PHC2: variants seen among roughly 807,000 people sequenced by gnomAD.
PHC2 encodes the protein polyhomeotic homolog 2, also known as polyhomeotic-like protein 2.
PHC2 carries 29 observed loss-of-function variants against 87.4 expected under a neutral mutation model. The observed-to-expected ratio is 0.33, with a 90% CI of 0.25 to 0.45. The LOEUF (loss-of-function observed/expected upper bound fraction) is 0.45, where lower values mean the gene tolerates loss of function less well. Among genes scored for constraint, PHC2 ranks in the 20% least tolerant of loss-of-function variants. The probability of loss-of-function intolerance (pLI) is 1.00; values close to 1 mark genes in which losing one functional copy is unlikely to be tolerated. For missense variants in PHC2, 857 were observed against 1,136.7 expected (o/e 0.75, Z 3.54); for synonymous variants, 438 against 461.7 (o/e 0.95, Z 0.66).
Position 33,368,401 on chromosome 1 carries a change from G to C in PHC2, c.663+135C>G. ...TGGAACAGGGTAGACGCGCAGGCCT[G>C]GGGGCATTGGGGTGTCCTGTCTCCC... On this transcript the variant is annotated intron_variant, in intron 6 of 14. Transcript: ENST00000683057. This position sits in a 1 kb window ranked among gnomAD's most constrained non-coding sequence, Gnocchi z 6.6. 1.6e-6 allele frequency: 1 copy of C among 609,026 alleles called. No homozygotes were observed. The highest frequency in any genetic ancestry group is 2.9e-6 in the Non-Finnish European group (1 of 344,576). The allele number at this position is 609,026 out of a possible 1,614,324, so 37.7% of individuals were successfully genotyped here.
At chr1:33,414,215 A>G (rs1216459425) in intron 1 of PHC2, among the ~76,000 whole-genome samples, 2 of 151,460 alleles carry the variant, frequency 1.3e-5, no homozygotes, top group African/African-American at 4.9e-5. Flanking sequence ...ACACACACAC[A>G]CACAAGAAAG....
In PHC2 at chr1:33,349,544, G is replaced by T; in HGVS notation, c.1558+4857C>A. On this transcript the variant is annotated intron_variant, in intron 9 of 14. Coordinates refer to ENST00000683057, the MANE Select transcript of PHC2 (RefSeq NM_001385109.1). This position sits in a 1 kb window ranked among gnomAD's most constrained non-coding sequence, Gnocchi z 4.2. ...GTGCCCGACTTCCAGTGCGGCGAGC[G>T]CGGCCCCCGGCCTCCCTACTGGCGA... is the stretch of plus-strand genomic sequence containing the variant. The T allele has an allele frequency of 1.0e-6, 1 of 981,450 alleles. No individual in the cohort carries two copies. The highest frequency in any genetic ancestry group is 1.2e-6 in the Non-Finnish European group (1 of 826,776). The allele number at this position is 981,450 out of a possible 1,614,324, so 60.8% of individuals were successfully genotyped here. A position where few individuals can be genotyped will look rare whatever the true frequency, so the allele number is the denominator to read the frequency against.
chr1:33,338,546 G>A (rs560610229), intron 9 of PHC2, among the ~76,000 whole-genome samples: 48 of 152,284 alleles, frequency 3.2e-4, no homozygotes, highest in Non-Finnish European at 5.0e-4. Flanking sequence ...ACACAATCTC[G>A]CCCCCTGCCA....
At chr1:33,348,390 T>C (rs547679398) in intron 9 of PHC2, among the ~76,000 whole-genome samples, 1 of 152,196 alleles carries the variant, frequency 6.6e-6, no homozygotes, top group South Asian at 2.1e-4. Context: ...GTTCCAACAT[T>C]TGGGTTGACT....
At chr1:33,336,361 C>T (rs1253473795) in intron 9 of PHC2, among the ~76,000 whole-genome samples, 1 of 152,144 alleles carries the variant, frequency 6.6e-6, no homozygotes, top group Non-Finnish European at 1.5e-5. Context: ...CAAGAGTTGA[C>T]TATGACTCAT....
At chr1:33,338,814 G>A (rs958236795) in intron 9 of PHC2, among the ~76,000 whole-genome samples, 1 of 152,216 alleles carries the variant, frequency 6.6e-6, no homozygotes, top group Non-Finnish European at 1.5e-5. Context: ...GAAACCGAAA[G>A]GTGGAGGCAG....
At position 33,368,789 on chromosome 1, in the gene PHC2, C is replaced by T. The variant is rs536537437; in HGVS notation, c.577-167G>A. Among the ~76,000 whole-genome samples the T allele has an allele frequency of 3.4e-4, 52 of 152,264 alleles. 1 individual carries two copies. The Middle Eastern group carries it at 0.01, about 30-fold the overall frequency. ...GGAGCGGCTATGAGGAAGGGCAGGA[C>T]AGTAGAAGCAGAAAGGAAGGGGGAG... is the stretch of plus-strand genomic sequence containing the variant. On this transcript the variant is annotated intron_variant, in intron 5 of 14. Transcript: ENST00000683057. The surrounding 1 kb of genome is among the most constrained non-coding windows in gnomAD (Gnocchi z 6.6).
intron 14 of PHC2, chr1:33,326,007 G>T: frequency 2.6e-6 from 1 of 391,736 alleles, no homozygotes; most frequent in South Asian, 1.8e-5. Context: ...GAAGAAACAG[G>T]GTCTCTGTTA....
rs545396766 is a variant in PHC2, at chr1:33,430,464, C to G, written c.-55+512G>C. On this transcript the variant is annotated intron_variant, in intron 1 of 14. Transcript: ENST00000683057. ...GCGCTGTCACGCCGCGGCTGGGGAGCGGGCGCCCCGGTCAGGCCCGACGCC... is the reference window on the plus strand; with the variant it reads ...GCGCTGTCACGCCGCGGCTGGGGAGGGGGCGCCCCGGTCAGGCCCGACGCC... 1.1e-4 allele frequency among the ~76,000 whole-genome samples: 16 copies of G among 152,144 alleles called. No homozygotes were observed. In the South Asian group the frequency reaches 3.1e-3, roughly 30 times the overall value.
At chr1:33,372,541 A>C in intron 2 of PHC2, 94 bp from the exon 3 acceptor site, 1 of 1,146,794 alleles carries the variant, frequency 8.7e-7, no homozygotes, top group Admixed American at 3.3e-5. Flanking sequence ...GGTCTCTATA[A>C]CTGCTCGGGA....
At chr1:33,357,334 G>C (rs1647109684) in intron 7 of PHC2, among the ~76,000 whole-genome samples, 1 of 152,188 alleles carries the variant, frequency 6.6e-6, no homozygotes, top group African/African-American at 2.4e-5. Context: ...CTTCCTTCTT[G>C]AATTTTGTCT....
intron 12 of PHC2, among the ~76,000 whole-genome samples, chr1:33,330,535 G>A (rs1419274668): frequency 3.3e-5 from 5 of 152,208 alleles, no homozygotes; most frequent in Admixed American, 6.5e-5. Context: ...CACTATAAAT[G>A]TTACCCTGTG....
chr1:33,355,544 C>T (rs1229873859), intron 7 of PHC2, among the ~76,000 whole-genome samples: 1 of 152,204 alleles, frequency 6.6e-6, no homozygotes, highest in Non-Finnish European at 1.5e-5. Context: ...TCTGTGATGC[C>T]CTTTGGCCAT....
intron 1 of PHC2, among the ~76,000 whole-genome samples, chr1:33,415,050 C>T (rs184324411): frequency 1.3e-4 from 20 of 152,258 alleles, no homozygotes; most frequent in East Asian, 5.8e-4. Flanking sequence ...GTGAGCCCTA[C>T]GAGTGTACCA....
intron 9 of PHC2, among the ~76,000 whole-genome samples, chr1:33,351,868 C>T (rs1570473646): frequency 6.8e-6 from 1 of 147,628 alleles, no homozygotes; most frequent in East Asian, 2.1e-4. Context: ...AGGAGAGTCA[C>T]TTGAACCCGG....
At chr1:33,370,779 G>C (rs1325051311) in intron 4 of PHC2, among the ~76,000 whole-genome samples, 194 bp from the exon 5 acceptor site, 2 of 152,184 alleles carry the variant, frequency 1.3e-5, no homozygotes, top group African/African-American at 4.8e-5. Context: ...GCTGCAGGGG[G>C]ATCCCATGTT....
intron 1 of PHC2, among the ~76,000 whole-genome samples, chr1:33,399,618 G>A (rs925983320): frequency 2.6e-5 from 4 of 152,130 alleles, no homozygotes; most frequent in Non-Finnish European, 5.9e-5. Flanking sequence ...CCTAATGTGT[G>A]GCTTATGTTT....
chr1:33,390,235 T>C (rs971354542), intron 1 of PHC2, among the ~76,000 whole-genome samples: 1 of 152,226 alleles, frequency 6.6e-6, no homozygotes, highest in Non-Finnish European at 1.5e-5. Flanking sequence ...GAAAACTTTT[T>C]ACTGGACATC....
At chr1:33,366,231 ACCCT>A (rs929778246) in intron 7 of PHC2, among the ~76,000 whole-genome samples, 6 of 152,136 alleles carry the variant, frequency 3.9e-5, no homozygotes, top group Non-Finnish European at 5.9e-5. Context: ...GATCAGCGTG[ACCCT>A]CTCTTTAATG....
Sources: gnomAD v4.1 joint callset for allele counts (sites outside exome capture counted in the v4.1 genomes callset) on GRCh38, gnomAD v4.1.1 for gene constraint, Gnocchi (gnomAD v3.1) non-coding constraint, MANE v1.5 for transcripts, NCBI Gene and HGNC (gene_info 2026-07-23, HGNC 2026-07-21) for gene names.